Variants in IDH3G observed in about 807,000 individuals in gnomAD.
The protein encoded by IDH3G is isocitrate dehydrogenase [NAD] subunit gamma, mitochondrial.
A neutral mutation model predicts 26.9 loss-of-function variants in IDH3G; 9 were observed. The ratio of observed to expected loss-of-function variants is 0.34; its 90% CI spans 0.20 to 0.58. The LOEUF is 0.58. Among genes scored for constraint, IDH3G ranks in the 20% least tolerant of loss-of-function variants. The probability of loss-of-function intolerance (pLI) is 0.85; values close to 1 mark genes in which losing one functional copy is unlikely to be tolerated. For missense variants in IDH3G, 250 were observed against 372.8 expected, an observed-to-expected ratio of 0.67 and a Z score of 2.71; for synonymous variants, 181 against 160.0, an observed-to-expected ratio of 1.13 and a Z score of -0.99.
intron 5 of IDH3G, among the ~76,000 whole-genome samples, chrX:153,788,524 C>T (rs1398168254): frequency 4.4e-5 from 5 of 112,855 alleles, no homozygotes; most frequent in African/African-American, 1.3e-4. Context: ...GCCAAGCCCC[C>T]GCATCAAGGC....
At chrX:153,791,498 A>G (rs1312979886) in intron 1 of IDH3G, among the ~76,000 whole-genome samples, 4 of 112,617 alleles carry the variant, frequency 3.6e-5, no homozygotes, top group Non-Finnish European at 7.5e-5. Context: ...TTCGGAAAGG[A>G]CTGCTGGATG....
intron 12 of IDH3G, 86 bp from the exon 13 acceptor site, chrX:153,786,059 G>C: frequency 8.3e-7 from 1 of 1,204,034 alleles, no homozygotes; most frequent in Non-Finnish European, 1.1e-6. Flanking sequence ...GATTGCCACA[G>C]GAGGGAAGTG....
At chrX:153,790,016 C>T in intron 4 of IDH3G, 179 bp downstream of exon 4, 1 of 483,474 alleles carries the variant, frequency 2.1e-6, no homozygotes, top group Non-Finnish European at 3.6e-6. Context: ...AGGACTGGTG[C>T]CACCTTCCCC....
Position 153,791,597 on chromosome X carries a change from T to A in IDH3G, c.82-746A>T, listed in dbSNP as rs782514563. 3.6e-3 allele frequency among the ~76,000 whole-genome samples: 406 copies of A among 112,724 alleles called. 1 individual carries two copies. Among genetic ancestry groups the A allele is most frequent in the African/African-American group, 0.012 (382 of 31,050 alleles). ...CAAATGTGCCAGGTGCCAAGTGACC[T>A]GCTGTCCTGGAAGAAGCCCCACCTA... On this transcript the variant is annotated intron_variant, in intron 1 of 12. Coordinates refer to ENST00000217901, the MANE Select transcript of IDH3G (RefSeq NM_004135.4).
At chrX:153,788,745 C>T (rs1320374781) in intron 5 of IDH3G, among the ~76,000 whole-genome samples, 1 of 113,132 alleles carries the variant, frequency 8.8e-6, no homozygotes, top group African/African-American at 3.2e-5. Flanking sequence ...CTGTGGCTGG[C>T]ACAAAGGCCC....
At position 153,787,896 on chromosome X, in the gene IDH3G, G is replaced by C; in HGVS notation, c.467C>G (p.Thr156Ser). Residue 156 changes from threonine (T) to serine (S), a missense_variant, in exon 7 of 13, where the codon ACC (threonine) becomes AGC (serine). Thr to Ser is a moderately conservative substitution (Grantham distance 58, BLOSUM62 1). Around this residue, in one of 2 missense-constraint regions of IDH3G, gnomAD observed 201 missense variants for 331.3 expected, o/e 0.61. Transcript: ENST00000217901. ...GAGGATGTCTATGTCCTTGTGCCGG[G>C]TCACCACGCCTGGAAGGCTCTTACA... ...IHCKSLPGVV[T>S]RHKDIDILIV... is the part of the protein sequence containing the mutation. The C allele has an allele frequency of 8.3e-7, 1 of 1,210,899 alleles. No homozygotes were observed. Among genetic ancestry groups the C allele is most frequent in the Non-Finnish European group, 1.1e-6 (1 of 894,520 alleles).
Position 153,786,373 on chromosome X carries a change from A to G in IDH3G, c.1001T>C (p.Met334Thr). ...NPTATLLASC[M>T]MLDHLKLHSY... is the part of the protein sequence containing the mutation. ...CACTCACTTGAGGTGGTCCAGCATC[A>G]TGCAGCTGGCCAGCAGGGTGGCCGT... is the stretch of plus-strand genomic sequence containing the variant. The change falls in exon 11 of 13, where the codon ATG (methionine) becomes ACG (threonine). Residue 334 changes from methionine to threonine, a missense_variant. This residue lies in a region of IDH3G where 201 missense variants were observed against 331.3 expected (regional missense o/e 0.61). Transcript: ENST00000217901. 2.5e-6 allele frequency: 3 copies of G among 1,209,498 alleles called. No individual in the cohort carries two copies. The highest frequency in any genetic ancestry group is 3.5e-5 in the South Asian group (2 of 56,705).
intron 5 of IDH3G, among the ~76,000 whole-genome samples, 190 bp downstream of exon 5, chrX:153,789,522 C>G (rs1306530379): frequency 8.9e-6 from 1 of 112,560 alleles, no homozygotes; most frequent in Admixed American, 9.4e-5. Context: ...CTAGCCTGGG[C>G]GACAGAGCGA....
At chrX:153,788,627 C>CA (rs2092097952) in intron 5 of IDH3G, among the ~76,000 whole-genome samples, 1 of 113,057 alleles carries the variant, frequency 8.8e-6, no homozygotes, top group South Asian at 3.6e-4. Flanking sequence ...GGAAGGGAAG[C>CA]AGAGGCCAGT....
At chrX:153,793,497 G>A (rs1258436645) in intron 1 of IDH3G, 1 of 111,970 alleles carries the variant, frequency 8.9e-6, no homozygotes, top group African/African-American at 3.3e-5. Context: ...AACCCAGAGA[G>A]AGGAGGAAAT....
chrX:153,787,515 G>A lies in IDH3G; in HGVS notation c.623C>T (p.Ala208Val), dbSNP rs782789248. The A allele has an allele frequency of 1.7e-6, 2 of 1,210,133 alleles. No homozygotes were observed. Among genetic ancestry groups the A allele is most frequent in the Non-Finnish European group, 2.2e-6 (2 of 895,139 alleles). The stretch of plus-strand genomic sequence containing the variant: ...CACTTTCTTGCGCCCGCTCTCCTGC[G>A]CCAGCTTGAAGGCATACTCGGCAAT... The part of the protein sequence containing the change: ...LRIAEYAFKL[A>V]QESGRKKVTA... Residue 208 changes from alanine to valine, a missense_variant, in exon 8 of 13, where the codon GCG (alanine) becomes GTG (valine). Physicochemically the swap from Ala to Val is moderately conservative, Grantham distance 64. This residue lies in a region of IDH3G where 201 missense variants were observed against 331.3 expected (regional missense o/e 0.61). Coordinates refer to ENST00000217901, the MANE Select transcript of IDH3G (RefSeq NM_004135.4).
chrX:153,787,022 C>A, intron 9 of IDH3G, 29 bp downstream of exon 9: 1 of 1,192,260 alleles, frequency 8.4e-7, no homozygotes, highest in South Asian at 1.8e-5. Flanking sequence ...GCACTCAGGG[C>A]AGGGGGACAG....
At chrX:153,792,793 G>T (rs2092114352) in intron 1 of IDH3G, among the ~76,000 whole-genome samples, 1 of 112,476 alleles carries the variant, frequency 8.9e-6, no homozygotes, top group Non-Finnish European at 1.9e-5. Flanking sequence ...TCCTTCAGGA[G>T]GTCGCAAAGG....
At chrX:153,793,181 C>A (rs1202908042) in intron 1 of IDH3G, among the ~76,000 whole-genome samples, 2 of 111,295 alleles carry the variant, frequency 1.8e-5, no homozygotes, top group Non-Finnish European at 3.8e-5. Flanking sequence ...CAGGGGAGGT[C>A]AGGGAGGAGG....
chrX:153,785,991 G>A lies in IDH3G; in HGVS notation c.1081-18C>T. 8.3e-7 allele frequency: 1 copy of A among 1,211,004 alleles called. No individual in the cohort carries two copies. Among genetic ancestry groups the A allele is most frequent in the Non-Finnish European group, 1.1e-6 (1 of 895,263 alleles). On this transcript the variant is annotated intron_variant, in intron 12 of 12. Coordinates refer to ENST00000217901, the MANE Select transcript of IDH3G (RefSeq NM_004135.4). ...GTGTGCATCTGTAGGACACAGGCAG[G>A]CTCGGCACACACCAGGCCCTGCCAC...
At chrX:153,786,763 G>A (rs1487231895) in intron 10 of IDH3G, 38 bp downstream of exon 10, 1 of 1,186,511 alleles carries the variant, frequency 8.4e-7, no homozygotes, top group South Asian at 1.8e-5. Context: ...GTGAACAGGA[G>A]AAAGGCGGCA....
In IDH3G at chrX:153,787,328, G is replaced by A. The variant is rs782403756; in HGVS notation, c.674+136C>T. The stretch of plus-strand genomic sequence containing the variant: ...TAAGTGTGGGTTCTGGCAAGGCCTC[G>A]AGGGCAACAGGGCACTCGCCTAGGG... On this transcript the variant is annotated intron_variant, in intron 8 of 12. Coordinates refer to ENST00000217901, the MANE Select transcript of IDH3G (RefSeq NM_004135.4). 1.5e-5 allele frequency: 13 copies of A among 882,939 alleles called. No homozygotes were observed. The South Asian group carries it at 2.5e-4, about 17-fold the overall frequency. 72.8% of individuals were successfully genotyped at this position (882,939 alleles called of 1,213,427 possible).
chrX:153,785,816 G>T lies in IDH3G; in HGVS notation c.*56C>A. 8.6e-7 allele frequency: 1 copy of T among 1,169,430 alleles called. No homozygotes were observed. Among genetic ancestry groups the T allele is most frequent in the Non-Finnish European group, 1.2e-6 (1 of 859,238 alleles). On this transcript the variant is annotated 3_prime_UTR_variant, in exon 13 of 13. Transcript: ENST00000217901. ...GGATCTGCGTACCAGGCTGGCTGGG[G>T]TGCTGGAGTGGGAAGGGGAATCCAA...
intron 5 of IDH3G, chrX:153,789,096 A>G: frequency 2.9e-6 from 1 of 342,666 alleles, no homozygotes; most frequent in Middle Eastern, 4.7e-4. Flanking sequence ...GGACAGGCTC[A>G]CACACAGCTG....
Sources: allele counts gnomAD v4.1 joint callset (sites outside exome capture counted in the v4.1 genomes callset), GRCh38; gene constraint gnomAD v4.1.1; regional missense constraint gnomAD v4.1.1; transcripts MANE v1.5; gene names NCBI Gene and HGNC (gene_info 2026-07-23, HGNC 2026-07-21).